ATP2B1: variants seen among roughly 807,000 people sequenced by gnomAD.
ATP2B1 encodes the protein ATPase plasma membrane Ca2+ transporting 1.
A neutral mutation model predicts 124.2 loss-of-function variants in ATP2B1; 14 were observed. The ratio of observed to expected loss-of-function variants is 0.11; its 90% CI spans 0.07 to 0.18. The LOEUF (loss-of-function observed/expected upper bound fraction) is 0.18, where lower values mean the gene tolerates loss of function less well. ATP2B1 is among the 10% of genes least tolerant of loss of function. The pLI is 1.00. For missense variants in ATP2B1, 763 were observed against 1,466.1 expected (o/e 0.52, Z 7.83); for synonymous variants, 449 against 492.4 (o/e 0.91, Z 1.17).
At position 89,610,500 on chromosome 12, in the gene ATP2B1, T is replaced by C; in HGVS notation, c.2256A>G (p.Gln752=). The change falls in exon 14 of 21, where the codon CAA becomes CAG. Residue 752 remains glutamine (Q), a synonymous_variant. Coordinates refer to ENST00000428670, the MANE Select transcript of ATP2B1 (RefSeq NM_001366521.1). ...TTGGCCAAATCTTGTCTATCCTCTC[T>C]TGCTCAATCTATAAGTGTTTATCAA... ...RIRNEKGEIE[Q]ERIDKIWPKL... 2 of 1,613,330 alleles carry C rather than the reference T, an allele frequency of 1.2e-6. No homozygotes were observed. Among genetic ancestry groups the C allele is most frequent in the Middle Eastern group, 1.7e-4 (1 of 6,052 alleles).
In ATP2B1 at chr12:89,619,754, T is replaced by C. The variant is rs1003201112; in HGVS notation, c.1829+245A>G. Among the ~76,000 whole-genome samples, 3 of 152,000 alleles carry C rather than the reference T, an allele frequency of 2.0e-5. No homozygotes were observed. In the East Asian group the frequency reaches 5.8e-4, roughly 29 times the overall value. The stretch of plus-strand genomic sequence containing the variant: ...ACATCAAAGTATACTTCATTAAACA[T>C]ACCAGATTGAATGTAATGAGCTTAT... On this transcript the variant is annotated intron_variant, in intron 11 of 20. Coordinates refer to ENST00000428670, the MANE Select transcript of ATP2B1 (RefSeq NM_001366521.1).
intron 1 of ATP2B1, among the ~76,000 whole-genome samples, chr12:89,693,180 T>G (rs1340131931): frequency 6.6e-6 from 1 of 152,182 alleles, no homozygotes; most frequent in Non-Finnish European, 1.5e-5. Context: ...CAATGCCTTA[T>G]CAAAGAACTG....
intron 20 of ATP2B1, chr12:89,593,684 G>A (rs1194595668): frequency 1.3e-5 from 2 of 152,030 alleles, no homozygotes; most frequent in African/African-American, 2.4e-5. Context: ...ACAAGTATAT[G>A]TGCACACACA....
intron 5 of ATP2B1, among the ~76,000 whole-genome samples, chr12:89,633,875 T>G (rs867653608): frequency 6.6e-6 from 1 of 152,140 alleles, no homozygotes; most frequent in Non-Finnish European, 1.5e-5. Context: ...ATCTGACAAG[T>G]ACAGTTCTGA....
chr12:89,624,246 T>C lies in ATP2B1; in HGVS notation c.1281A>G (p.Leu427=). 1 of 1,614,198 alleles carries C rather than the reference T, an allele frequency of 6.2e-7. No homozygotes were observed. Among genetic ancestry groups the C allele is most frequent in the Non-Finnish European group, 8.5e-7 (1 of 1,180,030 alleles). The change falls in exon 9 of 21, where the codon TTA becomes TTG. Residue 427 remains leucine, a synonymous_variant. Transcript: ENST00000428670. The stretch of plus-strand genomic sequence containing the variant: ...GAAGACCTTCTGGCACTGCGACCAC[T>C]AAAACTGTAACTCCAATAATGAAGA... ...VKFFIIGVTV[L]VVAVPEGLPL...
chr12:89,623,352 A>G (rs1319414599), intron 9 of ATP2B1, among the ~76,000 whole-genome samples: 6 of 150,198 alleles, frequency 4.0e-5, no homozygotes, highest in African/African-American at 1.5e-4. Flanking sequence ...TCCAAGCTAC[A>G]TCTTTTTTTT....
chr12:89,667,175 T>C (rs1887407208), intron 1 of ATP2B1, among the ~76,000 whole-genome samples: 1 of 152,152 alleles, frequency 6.6e-6, no homozygotes, highest in African/African-American at 2.4e-5. Context: ...ACTACTAAGA[T>C]GGCTCTCTAT....
intron 5 of ATP2B1, among the ~76,000 whole-genome samples, chr12:89,634,431 T>C (rs1882367933): frequency 6.6e-6 from 1 of 152,178 alleles, no homozygotes; most frequent in Non-Finnish European, 1.5e-5. Context: ...ATTTTATACT[T>C]CAATAGGCAT....
At chr12:89,634,945 T>C (rs758055130) in intron 4 of ATP2B1, 42 bp from the exon 5 acceptor site, 2 of 1,610,174 alleles carry the variant, frequency 1.2e-6, no homozygotes, top group South Asian at 2.2e-5. Context: ...TAAACAAGAT[T>C]ACAGTAATTT....
In ATP2B1 at chr12:89,677,963, TATATATATACACAC is replaced by T. The variant is rs1236082818; in HGVS notation, c.-221-21870_-221-21857del. ...TGGGGGCATGCAGGAATTATATATATATATATATACACACACACACACACACACACACACACACA... is the reference window on the plus strand; with the variant it reads ...TGGGGGCATGCAGGAATTATATATATACACACACACACACACACACACACA... On this transcript the variant is annotated intron_variant, in intron 1 of 20. Transcript: ENST00000428670. Among the ~76,000 whole-genome samples the T allele has an allele frequency of 8.4e-4, 85 of 100,896 alleles. 3 individuals carry two copies. The highest frequency in any genetic ancestry group is 1.4e-3 in the East Asian group (5 of 3,590). 66.2% of individuals were successfully genotyped at this position (100,896 alleles called of 152,430 possible).
chr12:89,687,423 G>A (rs1033827321), intron 1 of ATP2B1, among the ~76,000 whole-genome samples: 11 of 152,174 alleles, frequency 7.2e-5, no homozygotes, highest in Admixed American at 2.6e-4. Context: ...GCACAATAAC[G>A]AAATTGCAAC....
intron 1 of ATP2B1, among the ~76,000 whole-genome samples, chr12:89,658,598 G>GGAGAGAGAGAGAGAGAGAGAGAGAGAGA (rs67298800): frequency 5.7e-5 from 4 of 69,584 alleles, no homozygotes; most frequent in South Asian, 6.6e-4. Flanking sequence ...AATTCAAACA[G>GGAGAGAGAGAGAGAGAGAGAGAGAGAGA]GAGAGAGAGA....
chr12:89,676,170 A>G (rs185766583), intron 1 of ATP2B1, among the ~76,000 whole-genome samples: 4 of 152,274 alleles, frequency 2.6e-5, no homozygotes, highest in Admixed American at 2.6e-4. Context: ...TGCTCCTGAG[A>G]GGCTCTGGGA....
chr12:89,617,959 T>C (rs1473539448), intron 11 of ATP2B1, among the ~76,000 whole-genome samples: 4 of 152,204 alleles, frequency 2.6e-5, no homozygotes, highest in Admixed American at 2.6e-4. Context: ...ATTTCTCCTC[T>C]GAACAGCCTC....
rs200516778 is a variant in ATP2B1 at position 89,610,412 on chromosome 12, T to A, written c.2335+9A>T. Reference sequence around the variant, plus strand: ...AAGAAATTGTGAAATAACTGAAAAATCTACTTACCTTTAACCAGTGTATGC... The same window carrying A: ...AAGAAATTGTGAAATAACTGAAAAAACTACTTACCTTTAACCAGTGTATGC... On this transcript the variant is annotated intron_variant, in intron 14 of 20. Coordinates refer to ENST00000428670, the MANE Select transcript of ATP2B1 (RefSeq NM_001366521.1). The A allele has an allele frequency of 1.1e-4, 174 of 1,608,244 alleles. 1 individual carries two copies. The Middle Eastern group carries it at 2.2e-3, about 20-fold the overall frequency.
At chr12:89,632,139 A>AACTTTTTTTTTTTT (rs754462987) in intron 5 of ATP2B1, among the ~76,000 whole-genome samples, 15 of 146,000 alleles carry the variant, frequency 1.0e-4, no homozygotes, top group Non-Finnish European at 2.0e-4. Flanking sequence ...GCTTTAAAGC[A>AACTTTTTTTTTTTT]ACTTTTTTTT....
chr12:89,652,645 G>C (rs1160258575), intron 2 of ATP2B1, among the ~76,000 whole-genome samples: 3 of 152,226 alleles, frequency 2.0e-5, no homozygotes, highest in African/African-American at 7.2e-5. Context: ...TGCTTGATCA[G>C]TGACAAAATG....
At chr12:89,591,550 A>G (rs990436454) in intron 20 of ATP2B1, among the ~76,000 whole-genome samples, 1 of 152,092 alleles carries the variant, frequency 6.6e-6, no homozygotes, top group African/African-American at 2.4e-5. Context: ...GTCATTGGCT[A>G]AAAATTTAAT....
At position 89,603,575 on chromosome 12, in the gene ATP2B1, T is replaced by A. The variant is rs1299756165; in HGVS notation, c.2848+137A>T. ...CCAAATTTACTAAGCACTCACTGAT[T>A]AAGAAGAAATTAAAGATAAATGGGA... On this transcript the variant is annotated intron_variant, in intron 17 of 20. Coordinates refer to ENST00000428670, the MANE Select transcript of ATP2B1 (RefSeq NM_001366521.1). This position sits in a 1 kb window ranked among gnomAD's most constrained non-coding sequence, Gnocchi z 4.3. The A allele has an allele frequency of 5.6e-6, 5 of 889,770 alleles. No individual in the cohort carries two copies. In the African/African-American group the frequency reaches 6.8e-5, roughly 12 times the overall value. 55.1% of individuals were successfully genotyped at this position (889,770 alleles called of 1,614,324 possible).
Sources: allele counts gnomAD v4.1 joint callset (sites outside exome capture counted in the v4.1 genomes callset), GRCh38; gene constraint gnomAD v4.1.1; non-coding constraint Gnocchi (gnomAD v3.1); transcripts MANE v1.5; gene names NCBI Gene and HGNC (gene_info 2026-07-23, HGNC 2026-07-21).